Variants in RAPGEF3 observed in about 807,000 individuals in gnomAD.
RAPGEF3 encodes the protein 9330170P05Rik.
A neutral mutation model predicts 129.8 loss-of-function variants in RAPGEF3; 103 were observed. That is an observed-to-expected ratio of 0.79 (90% confidence interval 0.68 to 0.93). The LOEUF is 0.93. Ranked by LOEUF, RAPGEF3 falls within the 40% of genes least tolerant of loss-of-function variation. RAPGEF3 has a pLI of 0.00. For synonymous variants in RAPGEF3, 436 were observed against 482.6 expected (o/e 0.90, Z 1.26); for missense variants, 1,117 against 1,207.4 (o/e 0.93, Z 1.11).
intron 15 of RAPGEF3, 151 bp downstream of exon 15, chr12:47,747,393 T>G (rs1941482493): frequency 2.8e-6 from 2 of 718,450 alleles, no homozygotes; most frequent in South Asian, 1.7e-5. Context: ...GGTGTGAGGG[T>G]GAACAGCAAG....
At position 47,749,317 on chromosome 12, in the gene RAPGEF3, G is replaced by GGTCTCTA; in HGVS notation, c.1041+72_1041+73insTAGAGAC. On this transcript the variant is annotated intron_variant, in intron 10 of 27. Coordinates refer to ENST00000449771, the MANE Select transcript of RAPGEF3 (RefSeq NM_001098531.4). The surrounding 1 kb of genome is among the most constrained non-coding windows in gnomAD (Gnocchi z 4.5). The stretch of plus-strand genomic sequence containing the variant: ...CTGCTTCTTACAGGCCCTCTGCTCT[G>GGTCTCTA]GTCCCTACTCCTCTCTCCACATCAC... 1 of 1,583,862 alleles carries GGTCTCTA rather than the reference G, an allele frequency of 6.3e-7. No individual in the cohort carries two copies. Among genetic ancestry groups the GGTCTCTA allele is most frequent in the Non-Finnish European group, 8.6e-7 (1 of 1,163,328 alleles).
chr12:47,750,321 C>A lies in RAPGEF3; in HGVS notation c.756+20G>T. The A allele has an allele frequency of 6.2e-7, 1 of 1,608,700 alleles. No homozygotes were observed. The highest frequency in any genetic ancestry group is 8.5e-7 in the Non-Finnish European group (1 of 1,175,406). On this transcript the variant is annotated intron_variant, in intron 7 of 27. Transcript: ENST00000449771. ...AGAAGATGCCTGGTACGGGGCAGGG[C>A]TGGGAGGGGCAGGACTGACCGAGTT...
chr12:47,739,529 C>T (rs1323593821), intron 23 of RAPGEF3: 1 of 596,132 alleles, frequency 1.7e-6, no homozygotes, highest in Non-Finnish European at 3.1e-6. Context: ...GTCCCTCCCT[C>T]TCTCTCTCTG....
Position 47,749,801 on chromosome 12 carries a change from G to C in RAPGEF3, c.834C>G (p.Asp278Glu). Residue 278 changes from aspartate to glutamate, a missense_variant, in exon 9 of 28, where the codon GAC becomes GAG. Physicochemically the swap from Asp to Glu is conservative, Grantham distance 45. Around this residue, in one of 3 missense-constraint regions of RAPGEF3, gnomAD observed 367 missense variants for 373.4 expected, o/e 0.98. Coordinates refer to ENST00000449771, the MANE Select transcript of RAPGEF3 (RefSeq NM_001098531.4). The surrounding 1 kb of genome is among the most constrained non-coding windows in gnomAD (Gnocchi z 4.5). ...AGATAATGTACCACGAAGTGCCCTT[G>C]TCCCCCTGGCTGAACACTGACAGAA... ...KAGTVLFSQG[D>E]KGTSWYIIWK... The C allele has an allele frequency of 6.2e-7, 1 of 1,614,184 alleles. No homozygotes were observed. Among genetic ancestry groups the C allele is most frequent in the Non-Finnish European group, 8.5e-7 (1 of 1,180,028 alleles).
Position 47,740,277 on chromosome 12 carries a change from AG to A in RAPGEF3, c.2322+27del, listed in dbSNP as rs571350186. ...CCAGGAGGGCCTGAGGCCTGACCTCAGGAGGGGGCCCTCCAGACCACACTTA... is the reference window on the plus strand; with the variant it reads ...CCAGGAGGGCCTGAGGCCTGACCTCAGAGGGGGCCCTCCAGACCACACTTA... On this transcript the variant is annotated intron_variant, in intron 22 of 27. Coordinates refer to ENST00000449771, the MANE Select transcript of RAPGEF3 (RefSeq NM_001098531.4). 5.8e-4 allele frequency: 934 copies of A among 1,612,558 alleles called. 8 individuals carry two copies. In the East Asian group the frequency reaches 0.02, roughly 35 times the overall value.
In RAPGEF3 at chr12:47,740,291, C is replaced by T. The variant is rs771034454; in HGVS notation, c.2322+14G>A. 6.2e-7 allele frequency: 1 copy of T among 1,613,846 alleles called. No homozygotes were observed. ...GGCCTGACCTCAGGAGGGGGCCCTC[C>T]AGACCACACTTACCTCCCAGGTGTG... On this transcript the variant is annotated intron_variant, in intron 22 of 27. Transcript: ENST00000449771.
intron 18 of RAPGEF3, chr12:47,742,394 A>G (rs555051534): frequency 2.0e-5 from 3 of 152,304 alleles, no homozygotes; most frequent in Non-Finnish European, 2.9e-5. Flanking sequence ...ACTGCAACTC[A>G]CCAGGTGGCC....
Position 47,751,534 on chromosome 12 carries a change from A to C in RAPGEF3, c.381-14T>G. 1 of 1,614,206 alleles carries C rather than the reference A, an allele frequency of 6.2e-7. No homozygotes were observed. Among genetic ancestry groups the C allele is most frequent in the Non-Finnish European group, 8.5e-7 (1 of 1,180,016 alleles). On this transcript the variant is annotated splice_polypyrimidine_tract_variant and intron_variant, in intron 4 of 27. Coordinates refer to ENST00000449771, the MANE Select transcript of RAPGEF3 (RefSeq NM_001098531.4). ...GAGCAGCACTGCCTATGGAAGGTAG[A>C]AGGGGACAGGCCAGTGGAAGGAGGG...
intron 14 of RAPGEF3, 27 bp from the exon 15 acceptor site, chr12:47,747,653 T>C: frequency 6.2e-7 from 1 of 1,612,918 alleles, no homozygotes; most frequent in Non-Finnish European, 8.5e-7. Context: ...TTCACTGAGA[T>C]GGCTGTAGCT....
Position 47,749,047 on chromosome 12 carries a change from C to T in RAPGEF3, c.1042-116G>A. 1.2e-6 allele frequency: 1 copy of T among 863,250 alleles called. No homozygotes were observed. The highest frequency in any genetic ancestry group is 1.6e-5 in the South Asian group (1 of 63,810). The allele number at this position is 863,250 out of a possible 1,614,324, so 53.5% of individuals were successfully genotyped here. A position where few individuals can be genotyped will look rare whatever the true frequency, so the allele number is the denominator to read the frequency against. On this transcript the variant is annotated intron_variant, in intron 10 of 27. Transcript: ENST00000449771. The surrounding 1 kb of genome is among the most constrained non-coding windows in gnomAD (Gnocchi z 4.5). ...ATGAGGGTCCCACAGGGACCCACAG[C>T]CCTTCTCCCACCTCCGACTTTGGCT...
At chr12:47,754,899 C>T (rs1038244026) in intron 2 of RAPGEF3, among the ~76,000 whole-genome samples, 1 of 152,194 alleles carries the variant, frequency 6.6e-6, no homozygotes, top group African/African-American at 2.4e-5. Flanking sequence ...TCCCCTGGCA[C>T]CAGCACTGTG....
In RAPGEF3 at chr12:47,740,394, G is replaced by A. The variant is rs781294541; in HGVS notation, c.2233C>T (p.Leu745Phe). Residue 745 changes from leucine (L) to phenylalanine (F), a missense_variant and splice_region_variant, in exon 22 of 28, where the codon CTC (leucine) becomes TTC (phenylalanine). By Grantham distance (22) the Leu-to-Phe change is conservative. Transcript: ENST00000449771. ...LRKFIKLAAH[L>F]KEQKNLNSFF... ...GAATTGAGATTCTTCTGCTCCTTGA[G>A]GCTGTGAGCAGAAGACCCAGAGACC... 2 of 1,613,740 alleles carry A rather than the reference G, an allele frequency of 1.2e-6. No individual in the cohort carries two copies. Among genetic ancestry groups the A allele is most frequent in the Admixed American group, 1.7e-5 (1 of 60,026 alleles).
At chr12:47,751,296 C>T (rs747106088) in intron 5 of RAPGEF3, 80 bp from the exon 6 acceptor site, 26 of 1,566,792 alleles carry the variant, frequency 1.7e-5, no homozygotes, top group Middle Eastern at 1.9e-4. Context: ...CGATGCCACC[C>T]CTCAGCACTC....
chr12:47,748,836 T>TG lies in RAPGEF3; in HGVS notation c.1136dup (p.Thr380AsnfsTer33). 6.2e-7 allele frequency: 1 copy of TG among 1,612,926 alleles called. No individual in the cohort carries two copies. Among genetic ancestry groups the TG allele is most frequent in the Non-Finnish European group, 8.5e-7 (1 of 1,178,942 alleles). ...TGTATTACCGGTTCCTGCCTGGGGTTGGGGGTCGGGAAGGGCCGGCGCCCT... is the reference window on the plus strand; with the variant it reads ...TGTATTACCGGTTCCTGCCTGGGGTTGGGGGGTCGGGAAGGGCCGGCGCCCT... On this transcript the variant is annotated frameshift_variant, in exon 11 of 28. Coordinates refer to ENST00000449771, the MANE Select transcript of RAPGEF3 (RefSeq NM_001098531.4). LOFTEE classifies it high-confidence loss of function.
In RAPGEF3 at chr12:47,749,578, G is replaced by A. The variant is rs777972425; in HGVS notation, c.895-42C>T. The A allele has an allele frequency of 2.2e-5, 27 of 1,209,798 alleles. No homozygotes were observed. The East Asian group carries it at 6.2e-4, about 28-fold the overall frequency. 74.9% of individuals were successfully genotyped at this position (1,209,798 alleles called of 1,614,324 possible). On this transcript the variant is annotated intron_variant, in intron 9 of 27. Transcript: ENST00000449771. This position sits in a 1 kb window ranked among gnomAD's most constrained non-coding sequence, Gnocchi z 4.5. ...GTCTCAGCCCGCCCCTGCCGCCCCT[G>A]CCGCCCCCAGCTCTTGCCAGGACAG...
intron 16 of RAPGEF3, chr12:47,746,536 G>A: frequency 1.5e-6 from 1 of 650,672 alleles, no homozygotes; most frequent in South Asian, 1.8e-5. Context: ...AGCCCCGTGG[G>A]CCTCAGGGGC....
chr12:47,743,440 G>A lies in RAPGEF3; in HGVS notation c.1825+90C>T, dbSNP rs1941265251. On this transcript the variant is annotated intron_variant, in intron 18 of 27. Coordinates refer to ENST00000449771, the MANE Select transcript of RAPGEF3 (RefSeq NM_001098531.4). ...TCACACTGAGGAAGACCAGAAAGAT[G>A]ACAATGATGACAATGATCTTGACTG... 6.1e-6 allele frequency: 9 copies of A among 1,466,600 alleles called. No individual in the cohort carries two copies. In the Admixed American group the frequency reaches 9.6e-5, roughly 16 times the overall value. The allele number at this position is 1,466,600 out of a possible 1,614,324, so 90.8% of individuals were successfully genotyped here.
At position 47,749,977 on chromosome 12, in the gene RAPGEF3, A is replaced by G; in HGVS notation, c.770T>C (p.Leu257Ser). The change falls in exon 8 of 28, where the codon TTA (leucine) becomes TCA (serine). Residue 257 changes from leucine (L) to serine (S), a missense_variant. Physicochemically the swap from Leu to Ser is moderately radical, Grantham distance 145. Transcript: ENST00000449771. This position sits in a 1 kb window ranked among gnomAD's most constrained non-coding sequence, Gnocchi z 4.5. ...TGGTTCAAAGAGCAGAACAGCCGCT[A>G]ATTCTCGCTTCACCTGTGTGGTGGA... The part of the protein sequence containing the change: ...AHLSNSVKRE[L>S]AAVLLFEPHS... 2 of 1,614,216 alleles carry G rather than the reference A, an allele frequency of 1.2e-6. No individual in the cohort carries two copies. Among genetic ancestry groups the G allele is most frequent in the Non-Finnish European group, 1.7e-6 (2 of 1,180,044 alleles).
chr12:47,741,487 A>G lies in RAPGEF3; in HGVS notation c.1923+18T>C, dbSNP rs749871356. 1 of 1,607,610 alleles carries G rather than the reference A, an allele frequency of 6.2e-7. No homozygotes were observed. The highest frequency in any genetic ancestry group is 1.1e-5 in the South Asian group (1 of 90,912). On this transcript the variant is annotated intron_variant, in intron 19 of 27. Coordinates refer to ENST00000449771, the MANE Select transcript of RAPGEF3 (RefSeq NM_001098531.4). ...ATAGATCTCCTCCCTGGGCCCTGGC[A>G]CCCTGCCTGGTCCCTACCAGCTCAT...
Sources: gnomAD v4.1 joint callset for allele counts (sites outside exome capture counted in the v4.1 genomes callset) on GRCh38, gnomAD v4.1.1 for gene constraint, gnomAD v4.1.1 regional missense constraint, Gnocchi (gnomAD v3.1) non-coding constraint, MANE v1.5 for transcripts, NCBI Gene and HGNC (gene_info 2026-07-23, HGNC 2026-07-21) for gene names.